The following DNAJB11 variants were observed in gnomAD, a reference collection of about 807,000 sequenced individuals.
The protein encoded by DNAJB11 is dnaJ homolog subfamily B member 11.
A neutral mutation model predicts 47.2 loss-of-function variants in DNAJB11; 30 were observed. That is an observed-to-expected ratio of 0.64 (90% CI 0.48 to 0.86). The LOEUF (loss-of-function observed/expected upper bound fraction) is 0.86. DNAJB11 is among the 40% of genes least tolerant of loss of function. DNAJB11 has a pLI of 0.00. For synonymous variants in DNAJB11, 151 were observed against 159.9 expected (o/e 0.94, Z 0.42); for missense variants, 357 against 440.2 (o/e 0.81, Z 1.69).
At chr3:186,573,359 C>G (rs73059416) in intron 2 of DNAJB11, among the ~76,000 whole-genome samples, 1 of 152,040 alleles carries the variant, frequency 6.6e-6, no homozygotes, top group African/African-American at 2.4e-5. Context: ...CTTTCAACAC[C>G]TTCAGGGATC....
chr3:186,571,037 G>GGGGGGGGGGGGGGGGGGGGGGC, intron 1 of DNAJB11, 72 bp downstream of exon 1: 5 of 940,396 alleles, frequency 5.3e-6, no homozygotes, highest in Admixed American at 2.7e-5. Flanking sequence ...GGGGGTGGGG[G>GGGGGGGGGGGGGGGGGGGGGGC]AAGTGGCATT....
rs375052103 is a variant in DNAJB11 at position 186,582,095 on chromosome 3, G to C, written c.682+18G>C. The C allele has an allele frequency of 4.8e-5, 77 of 1,591,160 alleles. No homozygotes were observed. The African/African-American group carries it at 9.3e-4, about 19-fold the overall frequency. ...TGGAGAAGGTGAAATATTGATATTT[G>C]ATTTTTTGATTGTGATAACTTTTTG... On this transcript the variant is annotated intron_variant, in intron 6 of 9. Coordinates refer to ENST00000265028, the MANE Select transcript of DNAJB11 (RefSeq NM_016306.6).
intron 2 of DNAJB11, among the ~76,000 whole-genome samples, chr3:186,575,376 T>C (rs1317349650): frequency 1.3e-5 from 2 of 150,364 alleles, no homozygotes; most frequent in Non-Finnish European, 3.0e-5. Context: ...CGCGTGTGTG[T>C]GTGTGTGTGT....
intron 4 of DNAJB11, 114 bp from the exon 5 acceptor site, chr3:186,581,257 T>G (rs1231778978): frequency 8.3e-7 from 1 of 1,205,488 alleles, no homozygotes; most frequent in Non-Finnish European, 1.2e-6. Flanking sequence ...AGGGATAGAT[T>G]GCCAGAGAAG....
chr3:186,571,780 A>G (rs776657176), intron 1 of DNAJB11, among the ~76,000 whole-genome samples: 1 of 152,252 alleles, frequency 6.6e-6, no homozygotes, highest in Non-Finnish European at 1.5e-5. Flanking sequence ...CCTAAAGATA[A>G]CATGAGACCA....
At chr3:186,572,334 C>A in intron 2 of DNAJB11, 83 bp downstream of exon 2, 1 of 1,246,300 alleles carries the variant, frequency 8.0e-7, no homozygotes. Flanking sequence ...CTCCTTTCAG[C>A]TCACATTTAT....
chr3:186,581,259 C>T, intron 4 of DNAJB11, 112 bp from the exon 5 acceptor site: 1 of 1,230,918 alleles, frequency 8.1e-7, no homozygotes, highest in Non-Finnish European at 1.1e-6. Flanking sequence ...GGATAGATTG[C>T]CAGAGAAGGG....
rs2108487882 is a variant in DNAJB11, at chr3:186,585,432, TTAAAA to T, written c.*28_*32del. The stretch of plus-strand genomic sequence containing the variant: ...GAGAGTGAATAAAATTGGACTTTGT[TTAAAA>T]TAAGTGAATAAGCGATATTTATTAT... On this transcript the variant is annotated 3_prime_UTR_variant, in exon 10 of 10. Coordinates refer to ENST00000265028, the MANE Select transcript of DNAJB11 (RefSeq NM_016306.6). The T allele has an allele frequency of 1.9e-6, 3 of 1,563,212 alleles. No individual in the cohort carries two copies. The East Asian group carries it at 6.8e-5, about 35-fold the overall frequency.
chr3:186,581,618 A>T, intron 5 of DNAJB11, 105 bp downstream of exon 5: 1 of 1,299,472 alleles, frequency 7.7e-7, no homozygotes, highest in Non-Finnish European at 1.0e-6. Flanking sequence ...TCCCCTCCCC[A>T]CTGCCATGTT....
intron 8 of DNAJB11, 69 bp downstream of exon 8, chr3:186,584,045 A>G: frequency 8.9e-7 from 1 of 1,123,226 alleles, no homozygotes. Context: ...GAGATGTATC[A>G]GCTGTTTCAG....
At chr3:186,577,846 C>G in intron 4 of DNAJB11, 46 bp downstream of exon 4, 2 of 1,503,440 alleles carry the variant, frequency 1.3e-6, no homozygotes, top group African/African-American at 2.8e-5. Context: ...CCAGAACTTG[C>G]ACTTTTGACT....
intron 7 of DNAJB11, 105 bp from the exon 8 acceptor site, chr3:186,583,760 G>A (rs1270663903): frequency 1.3e-6 from 1 of 777,852 alleles, no homozygotes; most frequent in Non-Finnish European, 2.2e-6. Flanking sequence ...TCTAAGAAAT[G>A]TTTATTGTTT....
rs3806714 is a variant in DNAJB11 at position 186,570,776 on chromosome 3, A to G, written c.-122A>G. 0.83 allele frequency: 714,215 copies of G among 861,524 alleles called. 297,791 individuals are homozygous for G. Among genetic ancestry groups the G allele is most frequent in the Middle Eastern group, 0.92 (3,822 of 4,158 alleles). 53.4% of individuals were successfully genotyped at this position (861,524 alleles called of 1,614,324 possible). ...GCTAGCTAGCTGTCTCTGCGGACCA[A>G]GGAGACCCCCGCGCCCCCCCGGTGT... On this transcript the variant is annotated 5_prime_UTR_variant, in exon 1 of 10. Coordinates refer to ENST00000265028, the MANE Select transcript of DNAJB11 (RefSeq NM_016306.6).
chr3:186,582,177 C>T (rs1715510502), intron 6 of DNAJB11, 100 bp downstream of exon 6: 1 of 881,066 alleles, frequency 1.1e-6, no homozygotes, highest in South Asian at 1.5e-5. Context: ...TTAATGTTCA[C>T]ATAGTAAACG....
At chr3:186,582,410 A>T (rs1715516859) in intron 6 of DNAJB11, among the ~76,000 whole-genome samples, 1 of 152,236 alleles carries the variant, frequency 6.6e-6, no homozygotes, top group Non-Finnish European at 1.5e-5. Context: ...AGATGCTCTC[A>T]GGACCTCACC....
At chr3:186,571,022 T>TTG in intron 1 of DNAJB11, 57 bp downstream of exon 1, 1 of 208,310 alleles carries the variant, frequency 4.8e-6, no homozygotes. Context: ...TGCTGGGGGG[T>TTG]GGGAGGGGGT....
chr3:186,585,602 CA>C lies in DNAJB11; in HGVS notation c.*198del. 1 of 408,742 alleles carries C rather than the reference CA, an allele frequency of 2.4e-6. No individual in the cohort carries two copies. The highest frequency in any genetic ancestry group is 4.4e-6 in the Non-Finnish European group (1 of 224,912). 25.3% of individuals were successfully genotyped at this position (408,742 alleles called of 1,614,324 possible). On this transcript the variant is annotated 3_prime_UTR_variant, in exon 10 of 10. Transcript: ENST00000265028. ...TTTGCATTCGGAAAAGAATGACCAG[CA>C]AAAGGTTTACTAATACCTCTCCCTT...
chr3:186,570,836 C>G lies in DNAJB11; in HGVS notation c.-62C>G. On this transcript the variant is annotated 5_prime_UTR_variant, in exon 1 of 10. Transcript: ENST00000265028. ...TCACAGGGCCGGGTGGGCTGGCGAGCCGACGCGGCGGCGGAGGAGGCTGTG... is the reference window on the plus strand; with the variant it reads ...TCACAGGGCCGGGTGGGCTGGCGAGGCGACGCGGCGGCGGAGGAGGCTGTG... 6.6e-7 allele frequency: 1 copy of G among 1,523,354 alleles called. No individual in the cohort carries two copies. The highest frequency in any genetic ancestry group is 1.2e-5 in the South Asian group (1 of 82,918). 94.4% of individuals were successfully genotyped at this position (1,523,354 alleles called of 1,614,324 possible).
Position 186,581,996 on chromosome 3 carries a change from C to A in DNAJB11, c.601C>A (p.Leu201Ile), listed in dbSNP as rs773149769. 2.5e-6 allele frequency: 4 copies of A among 1,611,794 alleles called. No individual in the cohort carries two copies. The highest frequency in any genetic ancestry group is 3.4e-6 in the Non-Finnish European group (4 of 1,178,182). ...CTCTTTTAATTCTCTTTACCTCAGACTAGTGAATGAAGAACGAACGCTGGA... is the reference window on the plus strand; with the variant it reads ...CTCTTTTAATTCTCTTTACCTCAGAATAGTGAATGAAGAACGAACGCTGGA... ...VVCDECPNVK[L>I]VNEERTLEVE... Residue 201 changes from leucine (L) to isoleucine (I), a missense_variant and splice_region_variant, in exon 6 of 10, where the codon CTA (leucine) becomes ATA (isoleucine). Physicochemically the swap from Leu to Ile is conservative, Grantham distance 5 (BLOSUM62 2). Coordinates refer to ENST00000265028, the MANE Select transcript of DNAJB11 (RefSeq NM_016306.6).
Sources: allele counts gnomAD v4.1 joint callset (sites outside exome capture counted in the v4.1 genomes callset), GRCh38; gene constraint gnomAD v4.1.1; transcripts MANE v1.5; gene names NCBI Gene and HGNC (gene_info 2026-07-23, HGNC 2026-07-21).